The following RFTN1 variants were observed in gnomAD, a reference collection of about 807,000 sequenced individuals.
RFTN1 encodes the protein raftlin, lipid raft linker 1, also known as raftlin.
Under a neutral mutation model 46.5 loss-of-function variants are expected in RFTN1, and 26 were observed. The observed-to-expected ratio is 0.56, with a 90% CI of 0.41 to 0.78. The LOEUF (loss-of-function observed/expected upper bound fraction) is 0.78. Ranked by LOEUF, RFTN1 falls within the 30% of genes least tolerant of loss-of-function variation. The pLI is 0.00. For missense variants in RFTN1, 693 were observed against 718.7 expected, an observed-to-expected ratio of 0.96 and a Z score of 0.41; for synonymous variants, 261 against 284.2, an observed-to-expected ratio of 0.92 and a Z score of 0.82.
In RFTN1 at chr3:16,443,267, T is replaced by C. The variant is rs903673605; in HGVS notation, c.146-9230A>G. Among the ~76,000 whole-genome samples the C allele has an allele frequency of 1.3e-5, 2 of 152,234 alleles. No homozygotes were observed. The highest frequency in any genetic ancestry group is 4.8e-5 in the African/African-American group (2 of 41,458). On this transcript the variant is annotated intron_variant, in intron 2 of 9. Transcript: ENST00000334133. The surrounding 1 kb of genome is among the most constrained non-coding windows in gnomAD (Gnocchi z 5.5). ...CTTGTATTTTTGATAGTAGCCATTCTAACAGGTGTGAGCTGATATCTCACT... is the reference window on the plus strand; with the variant it reads ...CTTGTATTTTTGATAGTAGCCATTCCAACAGGTGTGAGCTGATATCTCACT...
At chr3:16,416,477 C>T (rs1307334867) in intron 3 of RFTN1, among the ~76,000 whole-genome samples, 1 of 152,108 alleles carries the variant, frequency 6.6e-6, no homozygotes, top group African/African-American at 2.4e-5. Context: ...AGTGAAGTAC[C>T]AATGTCAATT....
In RFTN1 at chr3:16,489,691, T is replaced by G. The variant is rs2076508932; in HGVS notation, c.145+4034A>C. On this transcript the variant is annotated intron_variant, in intron 2 of 9. Coordinates refer to ENST00000334133, the MANE Select transcript of RFTN1 (RefSeq NM_015150.2). The surrounding 1 kb of genome is among the most constrained non-coding windows in gnomAD (Gnocchi z 4.0). ...GGGAGGCCGAGGTGGGTGGACCACT[T>G]GAGGTCAGGAGTTCAAGACCAGCCT... Among the ~76,000 whole-genome samples the G allele has an allele frequency of 6.6e-6, 1 of 152,168 alleles. No homozygotes were observed. Among genetic ancestry groups the G allele is most frequent in the African/African-American group, 2.4e-5 (1 of 41,508 alleles).
At chr3:16,378,396 T>A (rs1250242662) in intron 4 of RFTN1, among the ~76,000 whole-genome samples, 1 of 109,392 alleles carries the variant, frequency 9.1e-6, no homozygotes, top group Non-Finnish European at 2.0e-5. Flanking sequence ...TTATTAACAT[T>A]TTTTAAAGAG....
chr3:16,366,537 C>T (rs2073186099), intron 6 of RFTN1, among the ~76,000 whole-genome samples: 1 of 152,174 alleles, frequency 6.6e-6, no homozygotes, highest in African/African-American at 2.4e-5. Flanking sequence ...CAAAGTCCCG[C>T]TGGGGGCCAC....
intron 3 of RFTN1, among the ~76,000 whole-genome samples, chr3:16,420,230 G>C (rs574360647): frequency 6.6e-6 from 1 of 152,350 alleles, no homozygotes; most frequent in African/African-American, 2.4e-5. Flanking sequence ...CTGCAGAAAA[G>C]AGGAGAGCAG....
Position 16,345,816 on chromosome 3 carries a change from GTGCGCGCGCGCGTGCGCGCACGCGCACA to G in RFTN1, c.1146+12088_1146+12115del, listed in dbSNP as rs1359698897. 2.8e-4 allele frequency among the ~76,000 whole-genome samples: 34 copies of G among 123,264 alleles called. 1 individual carries two copies. The highest frequency in any genetic ancestry group is 8.8e-4 in the African/African-American group (24 of 27,164). 80.9% of individuals were successfully genotyped at this position (123,264 alleles called of 152,430 possible). ...TGTGTGTGTGTGTGTGTGTGTGTGT[GTGCGCGCGCGCGTGCGCGCACGCGCACA>G]TGTGCATGTGTATGTGTATAATCTC... is the stretch of plus-strand genomic sequence containing the variant. On this transcript the variant is annotated intron_variant, in intron 7 of 9. Coordinates refer to ENST00000334133, the MANE Select transcript of RFTN1 (RefSeq NM_015150.2). This position sits in a 1 kb window ranked among gnomAD's most constrained non-coding sequence, Gnocchi z 5.2.
rs1181145011 is a variant in RFTN1 at position 16,416,316 on chromosome 3, A to G, written c.333-6833T>C. On this transcript the variant is annotated intron_variant, in intron 3 of 9. Coordinates refer to ENST00000334133, the MANE Select transcript of RFTN1 (RefSeq NM_015150.2). ...CAGAGTGGTTCTGATTGCTGGAGGC[A>G]ATGGAGAAGCAACTAAGACATCTGA... 4.0e-5 allele frequency: 16 copies of G among 400,216 alleles called. No homozygotes were observed. In the Middle Eastern group the frequency reaches 1.1e-3, roughly 28 times the overall value. 24.8% of individuals were successfully genotyped at this position (400,216 alleles called of 1,614,324 possible).
chr3:16,408,826 C>T (rs535417576), intron 4 of RFTN1, among the ~76,000 whole-genome samples: 1 of 151,074 alleles, frequency 6.6e-6, no homozygotes, highest in South Asian at 2.1e-4. Context: ...TGAACTCAGC[C>T]CCAATTTGGG....
intron 2 of RFTN1, among the ~76,000 whole-genome samples, chr3:16,478,892 G>C (rs2076323805): frequency 6.6e-6 from 1 of 152,206 alleles, no homozygotes; most frequent in Non-Finnish European, 1.5e-5. Flanking sequence ...AATCAAGAGA[G>C]AGCGGGAGAG....
At chr3:16,339,769 A>C (rs1192254557) in intron 7 of RFTN1, 1 of 152,216 alleles carries the variant, frequency 6.6e-6, no homozygotes, top group East Asian at 1.9e-4. Flanking sequence ...AACTCCACAA[A>C]GGCAAGGAGT....
chr3:16,399,117 T>TA (rs1292310995), intron 4 of RFTN1, among the ~76,000 whole-genome samples: 5 of 152,190 alleles, frequency 3.3e-5, no homozygotes, highest in Admixed American at 1.3e-4. Flanking sequence ...CTCCAAATGC[T>TA]AAAAATTACA....
intron 8 of RFTN1, among the ~76,000 whole-genome samples, chr3:16,325,726 C>A (rs2069624297): frequency 6.6e-6 from 1 of 152,150 alleles, no homozygotes; most frequent in Non-Finnish European, 1.5e-5. Context: ...GGTGCACTGA[C>A]CCACTGTGAC....
In RFTN1 at chr3:16,428,380, C is replaced by G. The variant is rs1280604858; in HGVS notation, c.332+5471G>C. Reference sequence around the variant, plus strand: ...GTTGGAAAAGCAATCTGATCTAGTCCTGAAGGAAGACATGCATTGGTCAGG... The same window carrying G: ...GTTGGAAAAGCAATCTGATCTAGTCGTGAAGGAAGACATGCATTGGTCAGG... On this transcript the variant is annotated intron_variant, in intron 3 of 9. Coordinates refer to ENST00000334133, the MANE Select transcript of RFTN1 (RefSeq NM_015150.2). The surrounding 1 kb of genome is among the most constrained non-coding windows in gnomAD (Gnocchi z 4.7). Among the ~76,000 whole-genome samples the G allele has an allele frequency of 6.6e-6, 1 of 152,196 alleles. No individual in the cohort carries two copies. The highest frequency in any genetic ancestry group is 1.9e-4 in the East Asian group (1 of 5,202).
At position 16,507,897 on chromosome 3, in the gene RFTN1, A is replaced by T. The variant is rs1301748954; in HGVS notation, c.-9+5545T>A. ...CATATGAAAGCTGATAGGCCCCCGT[A>T]AAGAATAAATTGTAACCCTCAAGGA... On this transcript the variant is annotated intron_variant, in intron 1 of 9. Coordinates refer to ENST00000334133, the MANE Select transcript of RFTN1 (RefSeq NM_015150.2). The surrounding 1 kb of genome is among the most constrained non-coding windows in gnomAD (Gnocchi z 7.1). 6.6e-6 allele frequency among the ~76,000 whole-genome samples: 1 copy of T among 152,244 alleles called. No homozygotes were observed. The highest frequency in any genetic ancestry group is 1.9e-4 in the East Asian group (1 of 5,186).
rs2076858706 is a variant in RFTN1 at position 16,509,158 on chromosome 3, G to A, written c.-9+4284C>T. Among the ~76,000 whole-genome samples the A allele has an allele frequency of 6.6e-6, 1 of 152,142 alleles. No homozygotes were observed. The highest frequency in any genetic ancestry group is 2.1e-4 in the South Asian group (1 of 4,830). ...TCAAAATTAGTATAAGCCCCTGGCT[G>A]TGCCAAACTCAGTAAGCTTAAGACA... On this transcript the variant is annotated intron_variant, in intron 1 of 9. Coordinates refer to ENST00000334133, the MANE Select transcript of RFTN1 (RefSeq NM_015150.2). This position sits in a 1 kb window ranked among gnomAD's most constrained non-coding sequence, Gnocchi z 4.9.
At position 16,504,564 on chromosome 3, in the gene RFTN1, G is replaced by C. The variant is rs1462719704; in HGVS notation, c.-9+8878C>G. Among the ~76,000 whole-genome samples, 1 of 152,192 alleles carries C rather than the reference G, an allele frequency of 6.6e-6. No homozygotes were observed. Among genetic ancestry groups the C allele is most frequent in the Non-Finnish European group, 1.5e-5 (1 of 68,030 alleles). On this transcript the variant is annotated intron_variant, in intron 1 of 9. Coordinates refer to ENST00000334133, the MANE Select transcript of RFTN1 (RefSeq NM_015150.2). This position sits in a 1 kb window ranked among gnomAD's most constrained non-coding sequence, Gnocchi z 4.4. ...GTGAAATATCCCTTGGCCACCCTGT[G>C]CCTTTGCTGCAGTGCCTTGCGGTAT...
intron 2 of RFTN1, among the ~76,000 whole-genome samples, chr3:16,435,456 G>A (rs113987482): frequency 8.5e-5 from 13 of 152,262 alleles, no homozygotes; most frequent in African/African-American, 3.1e-4. Flanking sequence ...TGTAATCCCA[G>A]CTACTCGGGA....
chr3:16,425,420 T>C lies in RFTN1; in HGVS notation c.332+8431A>G, dbSNP rs924294632. ...GTTCTCTGTCATTTCAAAATAGTTC[T>C]GGGGAGAGGGTGGAAATCACTAGTG... On this transcript the variant is annotated intron_variant, in intron 3 of 9. Transcript: ENST00000334133. The surrounding 1 kb of genome is among the most constrained non-coding windows in gnomAD (Gnocchi z 4.3). Among the ~76,000 whole-genome samples the C allele has an allele frequency of 1.3e-5, 2 of 152,216 alleles. No homozygotes were observed. The highest frequency in any genetic ancestry group is 4.8e-5 in the African/African-American group (2 of 41,456).
chr3:16,392,305 A>C (rs2074371161), intron 4 of RFTN1, among the ~76,000 whole-genome samples: 1 of 152,320 alleles, frequency 6.6e-6, no homozygotes, highest in East Asian at 1.9e-4. Context: ...AAGATACAGC[A>C]GGCAGCCTAA....
Sources: allele counts gnomAD v4.1 joint callset (sites outside exome capture counted in the v4.1 genomes callset), GRCh38; gene constraint gnomAD v4.1.1; non-coding constraint Gnocchi (gnomAD v3.1); transcripts MANE v1.5; gene names NCBI Gene and HGNC (gene_info 2026-07-23, HGNC 2026-07-21).